The following GPATCH2 variants were observed in gnomAD, a reference collection of about 807,000 sequenced individuals.
GPATCH2 encodes G-patch domain containing 2.
In GPATCH2, 51 loss-of-function variants were observed where a neutral mutation model predicts 58.0. The ratio of observed to expected loss-of-function variants is 0.88; its 90% CI spans 0.70 to 1.11. The LOEUF (loss-of-function observed/expected upper bound fraction) is 1.11. GPATCH2 is among the 50% of genes most tolerant of loss of function. GPATCH2 has a pLI of 0.00. For synonymous variants in GPATCH2, 222 were observed against 218.5 expected (o/e 1.02, Z -0.14); for missense variants, 625 against 652.2 (o/e 0.96, Z 0.45).
At chr1:217,599,960 A>T (rs1668032608) in intron 5 of GPATCH2, among the ~76,000 whole-genome samples, 1 of 152,160 alleles carries the variant, frequency 6.6e-6, no homozygotes, top group African/African-American at 2.4e-5. Flanking sequence ...AAATCGATTC[A>T]AATCTAAAAC....
At chr1:217,520,989 T>C in intron 5 of GPATCH2, among the ~76,000 whole-genome samples, 1 of 152,154 alleles carries the variant, frequency 6.6e-6, no homozygotes, top group East Asian at 1.9e-4. Context: ...GGACTACAGG[T>C]GTGTACCACC....
chr1:217,534,060 A>G (rs1664340492), intron 5 of GPATCH2, among the ~76,000 whole-genome samples: 1 of 152,020 alleles, frequency 6.6e-6, no homozygotes, highest in African/African-American at 2.4e-5. Context: ...TACTAAAAAT[A>G]CAAAAATTAG....
At chr1:217,549,980 G>A (rs1234542908) in intron 5 of GPATCH2, among the ~76,000 whole-genome samples, 1 of 152,014 alleles carries the variant, frequency 6.6e-6, no homozygotes, top group Non-Finnish European at 1.5e-5. Context: ...GTTCTTTAAC[G>A]GGAGAACTCT....
At chr1:217,476,745 C>T (rs1376413746) in intron 8 of GPATCH2, among the ~76,000 whole-genome samples, 1 of 152,090 alleles carries the variant, frequency 6.6e-6, no homozygotes, top group Non-Finnish European at 1.5e-5. Context: ...CTGCAAACCT[C>T]GCAACCATAA....
At chr1:217,543,574 T>C (rs995308800) in intron 5 of GPATCH2, among the ~76,000 whole-genome samples, 1 of 152,090 alleles carries the variant, frequency 6.6e-6, no homozygotes, top group African/African-American at 2.4e-5. Flanking sequence ...TGGCCAGGAA[T>C]GTTTTAAATC....
In GPATCH2 at chr1:217,430,667, C is replaced by T. The variant is rs1658490296; in HGVS notation, c.*478G>A. ...ATTCAAGGAATATGAAATTGACAAG[C>T]CTTTCAAACAAAGATGTGTTCGGAC... On this transcript the variant is annotated 3_prime_UTR_variant, in exon 10 of 10. Coordinates refer to ENST00000366935, the MANE Select transcript of GPATCH2 (RefSeq NM_018040.5). The T allele has an allele frequency of 6.4e-6, 1 of 155,854 alleles. No homozygotes were observed. The highest frequency in any genetic ancestry group is 1.4e-5 in the Non-Finnish European group (1 of 70,584). The allele number at this position is 155,854 out of a possible 1,614,324, so 9.7% of individuals were successfully genotyped here. A position where few individuals can be genotyped will look rare whatever the true frequency, so the allele number is the denominator to read the frequency against.
intron 5 of GPATCH2, among the ~76,000 whole-genome samples, chr1:217,607,003 C>T (rs1373602351): frequency 1.3e-5 from 2 of 152,088 alleles, no homozygotes; most frequent in Non-Finnish European, 2.9e-5. Context: ...AATCTAACTA[C>T]AACTAAAAAG....
chr1:217,480,240 C>A (rs1336262318), intron 8 of GPATCH2, among the ~76,000 whole-genome samples: 1 of 151,826 alleles, frequency 6.6e-6, no homozygotes, highest in Non-Finnish European at 1.5e-5. Flanking sequence ...AAGCTACCCA[C>A]CTGACAAAGG....
At chr1:217,532,881 T>C (rs1302908369) in intron 5 of GPATCH2, among the ~76,000 whole-genome samples, 1 of 79,272 alleles carries the variant, frequency 1.3e-5, no homozygotes, top group Admixed American at 1.7e-4. Flanking sequence ...CTTTATCTTT[T>C]TTTTGTTTTT....
chr1:217,587,154 T>G (rs1000858979), intron 5 of GPATCH2, among the ~76,000 whole-genome samples: 8 of 152,100 alleles, frequency 5.3e-5, no homozygotes. Context: ...AAACTAAATT[T>G]CCTGACTACA....
intron 2 of GPATCH2, among the ~76,000 whole-genome samples, chr1:217,619,378 G>C (rs1445227582): frequency 6.6e-6 from 1 of 152,104 alleles, no homozygotes; most frequent in African/African-American, 2.4e-5. Flanking sequence ...ATAAACTTTT[G>C]ATGTTCAAGA....
intron 5 of GPATCH2, among the ~76,000 whole-genome samples, chr1:217,575,818 T>C (rs1190887356): frequency 2.0e-5 from 3 of 152,180 alleles, no homozygotes; most frequent in Non-Finnish European, 2.9e-5. Context: ...AGTTCATTTC[T>C]GTAAGTGTTA....
In GPATCH2 at chr1:217,514,897, G is replaced by T; in HGVS notation, c.1099-8C>A. 7.3e-7 allele frequency: 1 copy of T among 1,377,498 alleles called. No individual in the cohort carries two copies. The allele number at this position is 1,377,498 out of a possible 1,614,324, so 85.3% of individuals were successfully genotyped here. On this transcript the variant is annotated splice_region_variant and splice_polypyrimidine_tract_variant and intron_variant, in intron 5 of 9. Transcript: ENST00000366935. Reference sequence around the variant, plus strand: ...TGGGCCAGGAATGGGTACCTACAGGGAGATTTAAAAAGAAAAAATAAATTT... The same window carrying T: ...TGGGCCAGGAATGGGTACCTACAGGTAGATTTAAAAAGAAAAAATAAATTT...
At chr1:217,549,754 TAGAA>T (rs1167766845) in intron 5 of GPATCH2, among the ~76,000 whole-genome samples, 2 of 152,078 alleles carry the variant, frequency 1.3e-5, no homozygotes, top group African/African-American at 4.8e-5. Context: ...TATCAAAACA[TAGAA>T]AGACTTCCTA....
chr1:217,433,361 C>CATATATATAT (rs1183174400), intron 9 of GPATCH2, among the ~76,000 whole-genome samples: 1 of 118,584 alleles, frequency 8.4e-6, no homozygotes, highest in African/African-American at 3.3e-5. Flanking sequence ...TTAAGCTGTT[C>CATATATATAT]ATATATATAT....
intron 8 of GPATCH2, among the ~76,000 whole-genome samples, chr1:217,453,059 T>G (rs1659745949): frequency 6.6e-6 from 1 of 152,216 alleles, no homozygotes. Context: ...TCACTCTTCA[T>G]GTAAACAATA....
chr1:217,527,856 A>G (rs867539823), intron 5 of GPATCH2, among the ~76,000 whole-genome samples: 1 of 152,212 alleles, frequency 6.6e-6, no homozygotes, highest in Non-Finnish European at 1.5e-5. Flanking sequence ...GAATTGCACA[A>G]TATCAACCCT....
intron 5 of GPATCH2, among the ~76,000 whole-genome samples, chr1:217,603,224 C>G (rs17723132): frequency 6.6e-6 from 1 of 151,800 alleles, no homozygotes; most frequent in Admixed American, 6.6e-5. Context: ...CAAGCCAATT[C>G]GAAGACTAAG....
At chr1:217,484,692 T>C (rs959958471) in intron 8 of GPATCH2, among the ~76,000 whole-genome samples, 5 of 150,012 alleles carry the variant, frequency 3.3e-5, no homozygotes, top group Non-Finnish European at 7.4e-5. Flanking sequence ...CATATGAACA[T>C]ATATGTGTAT....
Sources: gnomAD v4.1 joint callset for allele counts (sites outside exome capture counted in the v4.1 genomes callset) on GRCh38, gnomAD v4.1.1 for gene constraint, MANE v1.5 for transcripts, NCBI Gene and HGNC (gene_info 2026-07-23, HGNC 2026-07-21) for gene names.